KCNIP4: variants seen among roughly 807,000 people sequenced by gnomAD.
KCNIP4 encodes the protein Kv channel-interacting protein 4.
In KCNIP4, 12 loss-of-function variants were observed where a neutral mutation model predicts 34.0. The observed-to-expected ratio is 0.35, with a 90% CI of 0.23 to 0.57. The LOEUF (loss-of-function observed/expected upper bound fraction) is 0.57. Among genes scored for constraint, KCNIP4 ranks in the 20% least tolerant of loss-of-function variants. KCNIP4 has a pLI of 0.83. For missense variants in KCNIP4, 238 were observed against 311.7 expected, an observed-to-expected ratio of 0.76 and a Z score of 1.78; for synonymous variants, 124 against 102.2, an observed-to-expected ratio of 1.21 and a Z score of -1.29.
intron 1 of KCNIP4, among the ~76,000 whole-genome samples, chr4:21,724,106 T>C (rs546545834): frequency 6.6e-6 from 1 of 152,198 alleles, no homozygotes; most frequent in South Asian, 2.1e-4. Flanking sequence ...TGATGGTACA[T>C]GGTCAAGGAT....
intron 1 of KCNIP4, among the ~76,000 whole-genome samples, chr4:21,592,881 T>A (rs1742325287): frequency 6.6e-6 from 1 of 152,078 alleles, no homozygotes; most frequent in Admixed American, 6.6e-5. Context: ...CAATCTATGA[T>A]TAGAGTGCCC....
chr4:21,381,916 A>G (rs1031018156), intron 1 of KCNIP4, among the ~76,000 whole-genome samples: 1 of 152,180 alleles, frequency 6.6e-6, no homozygotes, highest in Admixed American at 6.5e-5. Context: ...GCATGGAGTC[A>G]TATATTAGTC....
At chr4:21,297,468 A>C (rs955128574) in intron 1 of KCNIP4, among the ~76,000 whole-genome samples, 1 of 152,202 alleles carries the variant, frequency 6.6e-6, no homozygotes, top group African/African-American at 2.4e-5. Context: ...CAGAATAACA[A>C]GAGAGCTACA....
intron 1 of KCNIP4, among the ~76,000 whole-genome samples, chr4:21,096,516 G>A (rs572512125): frequency 2.6e-5 from 4 of 152,014 alleles, no homozygotes; most frequent in African/African-American, 9.6e-5. Flanking sequence ...ACTATGTAAT[G>A]TCTTCATCAA....
chr4:21,343,485 C>A (rs985088431), intron 1 of KCNIP4, among the ~76,000 whole-genome samples: 2 of 152,102 alleles, frequency 1.3e-5, no homozygotes, highest in African/African-American at 2.4e-5. Context: ...AGTTTATTAT[C>A]TCTCCTCAGT....
chr4:21,491,115 A>C (rs1273589801), intron 1 of KCNIP4, among the ~76,000 whole-genome samples: 1 of 152,118 alleles, frequency 6.6e-6, no homozygotes, highest in Admixed American at 6.6e-5. Context: ...GATGTGACAG[A>C]GATTGGCCAG....
intron 1 of KCNIP4, among the ~76,000 whole-genome samples, chr4:21,625,169 AAAT>A (rs1159149988): frequency 6.6e-6 from 1 of 152,018 alleles, no homozygotes; most frequent in Non-Finnish European, 1.5e-5. Context: ...GATGATGATA[AAAT>A]AATAATATAC....
At chr4:21,105,258 C>CT (rs1355606673) in intron 1 of KCNIP4, among the ~76,000 whole-genome samples, 2 of 151,542 alleles carry the variant, frequency 1.3e-5, no homozygotes, top group East Asian at 1.9e-4. Context: ...TCTTTGTATC[C>CT]TTTTTTATTT....
At chr4:21,838,453 G>T (rs1276431578) in intron 1 of KCNIP4, among the ~76,000 whole-genome samples, 3 of 152,162 alleles carry the variant, frequency 2.0e-5, no homozygotes, top group Admixed American at 6.5e-5. Context: ...AGAGTTCGTG[G>T]TCTCATGGAG....
At chr4:21,934,220 A>G (rs1401039166) in intron 1 of KCNIP4, among the ~76,000 whole-genome samples, 4 of 152,002 alleles carry the variant, frequency 2.6e-5, no homozygotes, top group African/African-American at 9.7e-5. Context: ...TATCCTTCAG[A>G]AGCTTGCCTA....
intron 1 of KCNIP4, among the ~76,000 whole-genome samples, chr4:21,546,560 A>G (rs961326309): frequency 5.3e-5 from 8 of 152,122 alleles, no homozygotes; most frequent in African/African-American, 1.9e-4. Context: ...AAGACATAAC[A>G]TATTCTAAAA....
intron 1 of KCNIP4, among the ~76,000 whole-genome samples, chr4:21,513,355 T>C (rs1422906360): frequency 6.6e-6 from 1 of 152,160 alleles, no homozygotes; most frequent in African/African-American, 2.4e-5. Context: ...GAAAAATCCA[T>C]CAGCTCTTCA....
intron 1 of KCNIP4, among the ~76,000 whole-genome samples, chr4:21,407,879 A>G (rs1224164064): frequency 1.3e-5 from 2 of 152,206 alleles, no homozygotes; most frequent in Non-Finnish European, 2.9e-5. Flanking sequence ...AACTTCAAAT[A>G]ATTATACAGA....
chr4:21,182,568 T>C (rs2109326368), intron 1 of KCNIP4, among the ~76,000 whole-genome samples: 1 of 152,190 alleles, frequency 6.6e-6, no homozygotes, highest in Non-Finnish European at 1.5e-5. Flanking sequence ...ATCACATGAA[T>C]GGTGTACATT....
intron 1 of KCNIP4, among the ~76,000 whole-genome samples, chr4:21,092,235 T>G (rs1265215181): frequency 6.6e-6 from 1 of 152,216 alleles, no homozygotes; most frequent in Non-Finnish European, 1.5e-5. Context: ...AAAAATAATA[T>G]GTAGGTACTG....
At chr4:21,690,793 T>C (rs1031902580) in intron 1 of KCNIP4, among the ~76,000 whole-genome samples, 1 of 152,186 alleles carries the variant, frequency 6.6e-6, no homozygotes, top group African/African-American at 2.4e-5. Flanking sequence ...CTTCCCATAA[T>C]AACAAACATC....
At chr4:20,867,714 A>G (rs1723015241) in intron 2 of KCNIP4, among the ~76,000 whole-genome samples, 1 of 152,100 alleles carries the variant, frequency 6.6e-6, no homozygotes. Flanking sequence ...AGTAAAAGAA[A>G]TTATCCTACA....
chr4:20,949,773 C>A (rs1577418362), intron 1 of KCNIP4, among the ~76,000 whole-genome samples: 1 of 149,698 alleles, frequency 6.7e-6, no homozygotes, highest in Non-Finnish European at 1.5e-5. Context: ...AAACCAAACA[C>A]CGCATATCCT....
chr4:20,858,413 C>T (rs553385147), intron 2 of KCNIP4, among the ~76,000 whole-genome samples: 31 of 152,036 alleles, frequency 2.0e-4, no homozygotes, highest in African/African-American at 7.5e-4. Flanking sequence ...TATGGCAGCC[C>T]TAGCAAACTA....
Sources: gnomAD v4.1 joint callset for allele counts (sites outside exome capture counted in the v4.1 genomes callset) on GRCh38, gnomAD v4.1.1 for gene constraint, MANE v1.5 for transcripts, NCBI Gene and HGNC (gene_info 2026-07-23, HGNC 2026-07-21) for gene names.